The following KMT2C variants were observed in gnomAD, a reference collection of about 807,000 sequenced individuals.
The protein encoded by KMT2C is histone-lysine N-methyltransferase 2C.
KMT2C carries 88 observed loss-of-function variants against 507.9 expected under a neutral mutation model. The observed-to-expected ratio is 0.17, with a 90% confidence interval of 0.15 to 0.21. KMT2C has a LOEUF of 0.21. Among genes scored for constraint, KMT2C ranks in the 10% least tolerant of loss-of-function variants. The probability of loss-of-function intolerance (pLI) is 1.00; values close to 1 mark genes in which losing one functional copy is unlikely to be tolerated. For synonymous variants in KMT2C, 2,049 were observed against 2,080.8 expected (o/e 0.98, Z 0.42); for missense variants, 4,954 against 5,957.8 (o/e 0.83, Z 5.55).
In KMT2C at chr7:152,135,032, A is replaced by C. The variant is rs543764469; in HGVS notation, c.*1800T>G. On this transcript the variant is annotated 3_prime_UTR_variant, in exon 59 of 59. Coordinates refer to ENST00000262189, the MANE Select transcript of KMT2C (RefSeq NM_170606.3). ...TACTTCAAAAAATTCAATTTTTGCC[A>C]ACATTAGATACTATTATACAGAACA... 78 of 229,228 alleles carry C rather than the reference A, an allele frequency of 3.4e-4. No individual in the cohort carries two copies. Among genetic ancestry groups the C allele is most frequent in the Non-Finnish European group, 2.6e-4 (30 of 115,256 alleles). 14.2% of individuals were successfully genotyped at this position (229,228 alleles called of 1,614,324 possible).
At chr7:152,219,288 T>G (rs1293517729) in intron 23 of KMT2C, among the ~76,000 whole-genome samples, 1 of 151,608 alleles carries the variant, frequency 6.6e-6, no homozygotes, top group Admixed American at 6.6e-5. Flanking sequence ...CTTATCAAAC[T>G]TTATTTTTAC....
At chr7:152,184,040 C>A (rs1461918730) in intron 34 of KMT2C, among the ~76,000 whole-genome samples, 2 of 148,934 alleles carry the variant, frequency 1.3e-5, no homozygotes, top group Admixed American at 1.3e-4. Flanking sequence ...CCATTGCACT[C>A]CAGCCTGGGC....
chr7:152,283,218 A>AT (rs1430919966), intron 6 of KMT2C, among the ~76,000 whole-genome samples: 1 of 152,294 alleles, frequency 6.6e-6, no homozygotes, highest in East Asian at 1.9e-4. Flanking sequence ...GATAAAATTT[A>AT]TTGTTTCAAA....
chr7:152,162,585 G>A lies in KMT2C; in HGVS notation c.10992C>T (p.Val3664=), dbSNP rs149510534. The change falls in exon 43 of 59, where the codon GTC becomes GTT. Residue 3664 remains valine (V), a synonymous_variant. Transcript: ENST00000262189. ...QQADQESVEP[V]GPSTPNMAAG... ...CTGCCATATTGGGAGTGGATGGGCC[G>A]ACTGGTTCCACCGACTCTTGGTCGG... 114 of 1,614,190 alleles carry A rather than the reference G, an allele frequency of 7.1e-5. No individual in the cohort carries two copies. Among genetic ancestry groups the A allele is most frequent in the Middle Eastern group, 4.9e-4 (3 of 6,062 alleles).
intron 6 of KMT2C, among the ~76,000 whole-genome samples, chr7:152,298,076 A>T (rs2129191191): frequency 6.6e-6 from 1 of 152,300 alleles, no homozygotes; most frequent in African/African-American, 2.4e-5. Flanking sequence ...ACTTGAAGAT[A>T]CAAGAACAGA....
intron 6 of KMT2C, among the ~76,000 whole-genome samples, chr7:152,294,311 C>G (rs573802402): frequency 6.6e-6 from 1 of 152,246 alleles, no homozygotes; most frequent in South Asian, 2.1e-4. Context: ...TTCCTTCTAT[C>G]CCTGCATTTC....
chr7:152,159,663 A>G (rs934289417), intron 43 of KMT2C, among the ~76,000 whole-genome samples: 1 of 152,248 alleles, frequency 6.6e-6, no homozygotes, highest in African/African-American at 2.4e-5. Flanking sequence ...CTTAAAGTCA[A>G]TGGGAGAGAA....
chr7:152,221,135 T>C (rs1393657628), intron 22 of KMT2C, among the ~76,000 whole-genome samples: 3 of 152,130 alleles, frequency 2.0e-5, no homozygotes, highest in Non-Finnish European at 4.4e-5. Flanking sequence ...CGGGCACCTG[T>C]AATCCCAGCT....
intron 23 of KMT2C, among the ~76,000 whole-genome samples, chr7:152,209,154 C>T (rs2094389314): frequency 6.9e-6 from 1 of 144,854 alleles, no homozygotes; most frequent in African/African-American, 2.6e-5. Context: ...AGTGAAATTC[C>T]AACTCTCAAA....
chr7:152,315,355 G>A lies in KMT2C; in HGVS notation c.390-17C>T, dbSNP rs2096712494. The A allele has an allele frequency of 6.3e-7, 1 of 1,595,654 alleles. No homozygotes were observed. Among genetic ancestry groups the A allele is most frequent in the South Asian group, 1.1e-5 (1 of 90,590 alleles). ...AGCTGTTCACTAGTAAAAATGAAAT[G>A]TAAGTCAGAGAAGGAGAAAAGTAGC... On this transcript the variant is annotated splice_polypyrimidine_tract_variant and intron_variant, in intron 3 of 58. Transcript: ENST00000262189.
chr7:152,408,659 T>C (rs1471433493), intron 1 of KMT2C, among the ~76,000 whole-genome samples: 1 of 152,032 alleles, frequency 6.6e-6, no homozygotes, highest in Non-Finnish European at 1.5e-5. Context: ...CTAACTAACC[T>C]AACTAATGCC....
At chr7:152,388,701 AAC>A (rs2097457846) in intron 1 of KMT2C, among the ~76,000 whole-genome samples, 1 of 152,312 alleles carries the variant, frequency 6.6e-6, no homozygotes, top group East Asian at 1.9e-4. Context: ...AAAATTTTAA[AAC>A]AGTTCTTATT....
In KMT2C at chr7:152,177,739, G is replaced by A. The variant is rs745372858; in HGVS notation, c.7714C>T (p.Leu2572=). Residue 2572 remains leucine (L), a synonymous_variant, in exon 38 of 59, where the codon CTG becomes TTG. Coordinates refer to ENST00000262189, the MANE Select transcript of KMT2C (RefSeq NM_170606.3). ...CTGCCAGGTGGAGCACTGAAAGGCA[G>A]CCGTTGCCTTCCGTCAGGAGCCCTA... ...RHRAPDGRQR[L]PFSAPPGSVV... 4 of 1,614,030 alleles carry A rather than the reference G, an allele frequency of 2.5e-6. No homozygotes were observed. The highest frequency in any genetic ancestry group is 2.2e-5 in the South Asian group (2 of 91,084).
Position 152,152,900 on chromosome 7 carries a change from T to C in KMT2C, c.12331A>G (p.Asn4111Asp). ...GGAGCACTGCTAACCTCATAGCTGT[T>C]AGGGATTCGGACGTGAAGAAGGTCG... is the stretch of plus-strand genomic sequence containing the variant. ...FSDLLHVRIP[N>D]SYEVSSAPDV... The change falls in exon 49 of 59, where the codon AAC (asparagine) becomes GAC (aspartate). Residue 4111 changes from asparagine to aspartate, a missense_variant. By Grantham distance (23) the Asn-to-Asp change is conservative. This residue lies in a region of KMT2C where 417 missense variants were observed against 461.1 expected (regional missense o/e 0.90). Transcript: ENST00000262189. 1.9e-6 allele frequency: 3 copies of C among 1,614,186 alleles called. No individual in the cohort carries two copies. Among genetic ancestry groups the C allele is most frequent in the Non-Finnish European group, 2.5e-6 (3 of 1,180,030 alleles).
intron 6 of KMT2C, among the ~76,000 whole-genome samples, chr7:152,285,957 C>G (rs1221671941): frequency 1.3e-5 from 2 of 152,306 alleles, no homozygotes; most frequent in East Asian, 3.9e-4. Flanking sequence ...TGCACTCCAG[C>G]CTGGGAGACA....
intron 1 of KMT2C, among the ~76,000 whole-genome samples, chr7:152,375,111 C>T (rs2097318380): frequency 6.6e-6 from 1 of 152,176 alleles, no homozygotes; most frequent in South Asian, 2.1e-4. Context: ...GGCACAATCT[C>T]GGCTTACTGC....
At position 152,148,262 on chromosome 7, in the gene KMT2C, G is replaced by T; in HGVS notation, c.13665C>A (p.Phe4555Leu). 1 of 1,614,256 alleles carries T rather than the reference G, an allele frequency of 6.2e-7. No homozygotes were observed. Among genetic ancestry groups the T allele is most frequent in the South Asian group, 1.1e-5 (1 of 91,086 alleles). ...GTGGAAGCAGCTGACCAATTGTGTG[G>T]AAGATGAGGCTACCCACGCGAAAGG... ...DHTFRVGSLI[F>L]HTIGQLLPQQ... The change falls in exon 52 of 59, where the codon TTC becomes TTA. Residue 4555 changes from phenylalanine to leucine, a missense_variant. Phe to Leu is a conservative substitution (Grantham distance 22). Around this residue, in one of 29 missense-constraint regions of KMT2C, gnomAD observed 221 missense variants for 304.7 expected, o/e 0.73. Coordinates refer to ENST00000262189, the MANE Select transcript of KMT2C (RefSeq NM_170606.3). The surrounding 1 kb of genome is among the most constrained non-coding windows in gnomAD (Gnocchi z 7.1).
At chr7:152,346,152 A>G (rs759438783) in intron 2 of KMT2C, among the ~76,000 whole-genome samples, 1 of 152,230 alleles carries the variant, frequency 6.6e-6, no homozygotes, top group Non-Finnish European at 1.5e-5. Context: ...TATCGTTGGA[A>G]AGTTTAACAC....
chr7:152,382,273 A>C (rs1434445352), intron 1 of KMT2C, among the ~76,000 whole-genome samples: 1 of 152,192 alleles, frequency 6.6e-6, no homozygotes, highest in African/African-American at 2.4e-5. Flanking sequence ...AAATCAACTT[A>C]TAGGGAAACC....
Sources: allele counts gnomAD v4.1 joint callset (sites outside exome capture counted in the v4.1 genomes callset), GRCh38; gene constraint gnomAD v4.1.1; regional missense constraint gnomAD v4.1.1; non-coding constraint Gnocchi (gnomAD v3.1); transcripts MANE v1.5; gene names NCBI Gene and HGNC (gene_info 2026-07-23, HGNC 2026-07-21).